EPB41L3: variants seen among roughly 807,000 people sequenced by gnomAD.
The protein encoded by EPB41L3 is erythrocyte membrane protein band 4.1 like 3, also known as band 4.1-like protein 3.
A neutral mutation model predicts 127.1 loss-of-function variants in EPB41L3; 57 were observed. The observed-to-expected ratio is 0.45, with a 90% confidence interval of 0.36 to 0.56. EPB41L3 has a LOEUF of 0.56. Ranked by LOEUF, EPB41L3 falls within the 20% of genes least tolerant of loss-of-function variation. EPB41L3 has a pLI of 0.00. For missense variants in EPB41L3, 1,273 were observed against 1,372.2 expected, an observed-to-expected ratio of 0.93 and a Z score of 1.14; for synonymous variants, 572 against 549.5, an observed-to-expected ratio of 1.04 and a Z score of -0.57.
At position 5,540,285 on chromosome 18, in the gene EPB41L3, C is replaced by T. The variant is rs1035614566; in HGVS notation, c.-12+3628G>A. 4.3e-6 allele frequency: 4 copies of T among 927,722 alleles called. No homozygotes were observed. The African/African-American group carries it at 7.1e-5, about 17-fold the overall frequency. 57.5% of individuals were successfully genotyped at this position (927,722 alleles called of 1,614,324 possible). ...GTCTCCTTCCTTACTCTTGGAGACA[C>T]ATTTTCCCATGCAGTCTTATATTCA... On this transcript the variant is annotated intron_variant, in intron 1 of 22. Coordinates refer to ENST00000341928, the MANE Select transcript of EPB41L3 (RefSeq NM_012307.5).
intron 3 of EPB41L3, among the ~76,000 whole-genome samples, chr18:5,556,830 G>T (rs2094042689): frequency 6.6e-6 from 1 of 152,232 alleles, no homozygotes; most frequent in East Asian, 1.9e-4. Context: ...GACTAAACCT[G>T]CTTCAAGGAT....
At chr18:5,579,800 C>T (rs902464698) in intron 3 of EPB41L3, among the ~76,000 whole-genome samples, 3 of 152,200 alleles carry the variant, frequency 2.0e-5, no homozygotes, top group Admixed American at 6.5e-5. Context: ...CCTGGACCTA[C>T]CACATACTGT....
At chr18:5,609,320 G>A (rs574770706) in intron 3 of EPB41L3, among the ~76,000 whole-genome samples, 18 of 152,174 alleles carry the variant, frequency 1.2e-4, no homozygotes, top group East Asian at 7.7e-4. Flanking sequence ...CCAATCAAAC[G>A]CTTTACCTAG....
chr18:5,454,014 T>C (rs2082660388), intron 3 of EPB41L3, among the ~76,000 whole-genome samples: 1 of 152,094 alleles, frequency 6.6e-6, no homozygotes. Context: ...GCACTACCAT[T>C]TACCTCAAGG....
At chr18:5,523,938 CTATA>C (rs1332730432) in intron 1 of EPB41L3, among the ~76,000 whole-genome samples, 3 of 151,642 alleles carry the variant, frequency 2.0e-5, no homozygotes, top group African/African-American at 7.3e-5. Flanking sequence ...ATTTAAATGA[CTATA>C]TATATATGAT....
At chr18:5,628,596 G>C (rs1480459586) in intron 1 of EPB41L3, among the ~76,000 whole-genome samples, 1 of 152,242 alleles carries the variant, frequency 6.6e-6, no homozygotes. Context: ...CTCCCGGGAG[G>C]ATTTCGCCTC....
At chr18:5,570,758 C>T (rs942579308) in intron 3 of EPB41L3, 1 of 152,166 alleles carries the variant, frequency 6.6e-6, no homozygotes. Flanking sequence ...CCCCACTCCC[C>T]ATTCTTATGT....
At chr18:5,485,449 C>T (rs1042958725) in intron 2 of EPB41L3, among the ~76,000 whole-genome samples, 1 of 151,960 alleles carries the variant, frequency 6.6e-6, no homozygotes, top group Non-Finnish European at 1.5e-5. Flanking sequence ...GTAAAGGATG[C>T]CCACTTTCAG....
intron 3 of EPB41L3, among the ~76,000 whole-genome samples, chr18:5,587,959 C>G (rs542636909): frequency 6.6e-6 from 1 of 152,198 alleles, no homozygotes; most frequent in Non-Finnish European, 1.5e-5. Flanking sequence ...TCAACTTAGA[C>G]AAGAGTAAAA....
chr18:5,444,194 C>G (rs1239319008), intron 4 of EPB41L3, among the ~76,000 whole-genome samples: 1 of 152,210 alleles, frequency 6.6e-6, no homozygotes, highest in Admixed American at 6.5e-5. Context: ...TATGTTCAGA[C>G]AAGTTACTAG....
chr18:5,465,177 C>T (rs1568296717), intron 3 of EPB41L3, among the ~76,000 whole-genome samples: 2 of 152,210 alleles, frequency 1.3e-5, no homozygotes, highest in East Asian at 1.9e-4. Flanking sequence ...TTCCGGCTCA[C>T]CTTCTCAATT....
chr18:5,486,920 G>A (rs984617516), intron 2 of EPB41L3, among the ~76,000 whole-genome samples: 1 of 152,122 alleles, frequency 6.6e-6, no homozygotes, highest in Non-Finnish European at 1.5e-5. Context: ...CAGTATGGAG[G>A]TTCCTTGAAA....
intron 6 of EPB41L3, among the ~76,000 whole-genome samples, chr18:5,436,915 G>A (rs954341385): frequency 6.6e-6 from 1 of 152,116 alleles, no homozygotes; most frequent in Non-Finnish European, 1.5e-5. Flanking sequence ...TTTAACTGTA[G>A]CAAGTGATTG....
At chr18:5,438,359 C>A (rs1455063151) in intron 5 of EPB41L3, among the ~76,000 whole-genome samples, 1 of 152,066 alleles carries the variant, frequency 6.6e-6, no homozygotes, top group African/African-American at 2.4e-5. Context: ...AACTTCCTAC[C>A]CTTTTCAGAA....
At chr18:5,511,390 G>GTTTTTTTT (rs2092504757) in intron 1 of EPB41L3, among the ~76,000 whole-genome samples, 1 of 56,368 alleles carries the variant, frequency 1.8e-5, no homozygotes, top group African/African-American at 6.5e-5. Flanking sequence ...GAGGTATTTT[G>GTTTTTTTT]GTTTTTTTTT....
Position 5,478,453 on chromosome 18 carries a change from C to A in EPB41L3, c.184-15G>T, listed in dbSNP as rs2087696656. ...TTGTCAGTGACCTGTGAAGAGCAAA[C>A]AATCAACAGTTTTCATTGCAAGGTG... On this transcript the variant is annotated splice_polypyrimidine_tract_variant and intron_variant, in intron 2 of 22. Transcript: ENST00000341928. 6.2e-7 allele frequency: 1 copy of A among 1,612,886 alleles called. No homozygotes were observed. The highest frequency in any genetic ancestry group is 1.3e-5 in the African/African-American group (1 of 75,024).
At chr18:5,608,718 T>C (rs764584264) in intron 3 of EPB41L3, among the ~76,000 whole-genome samples, 1 of 152,118 alleles carries the variant, frequency 6.6e-6, no homozygotes, top group Non-Finnish European at 1.5e-5. Flanking sequence ...CAGGTACTTA[T>C]TGTTTCCTAA....
At chr18:5,454,206 CTTGT>C (rs1219848367) in intron 3 of EPB41L3, among the ~76,000 whole-genome samples, 1 of 125,340 alleles carries the variant, frequency 8.0e-6, no homozygotes, top group Non-Finnish European at 1.7e-5. Context: ...TTTTTGTTTC[CTTGT>C]TTTTTTTTTT....
At chr18:5,625,944 CTTT>C (rs199642476) in intron 1 of EPB41L3, among the ~76,000 whole-genome samples, 1 of 144,184 alleles carries the variant, frequency 6.9e-6, no homozygotes, top group Non-Finnish European at 1.5e-5. Flanking sequence ...TTCTACCATG[CTTT>C]TTTTTTTTTG....
Sources: allele counts gnomAD v4.1 joint callset (sites outside exome capture counted in the v4.1 genomes callset), GRCh38; gene constraint gnomAD v4.1.1; transcripts MANE v1.5; gene names NCBI Gene and HGNC (gene_info 2026-07-23, HGNC 2026-07-21).